Variants in LIMK2 observed in about 807,000 individuals in gnomAD.
LIMK2 encodes the protein LIM domain kinase 2.
LIMK2 carries 35 observed loss-of-function variants against 75.7 expected under a neutral mutation model. That is an observed-to-expected ratio of 0.46 (90% CI 0.35 to 0.61). The LOEUF (loss-of-function observed/expected upper bound fraction) is 0.61. Ranked by LOEUF, LIMK2 falls within the 20% of genes least tolerant of loss-of-function variation. The probability of loss-of-function intolerance (pLI) is 0.00; values close to 1 mark genes in which losing one functional copy is unlikely to be tolerated. For missense variants in LIMK2, 623 were observed against 831.0 expected, an observed-to-expected ratio of 0.75 and a Z score of 3.08; for synonymous variants, 301 against 319.2, an observed-to-expected ratio of 0.94 and a Z score of 0.61.
chr22:31,255,010 T>C (rs2048763706), intron 2 of LIMK2, among the ~76,000 whole-genome samples: 1 of 151,396 alleles, frequency 6.6e-6, no homozygotes. Context: ...TGAAAGTAGG[T>C]GATGACATTG....
intron 2 of LIMK2, among the ~76,000 whole-genome samples, chr22:31,242,944 A>G (rs1300615964): frequency 6.6e-6 from 1 of 152,142 alleles, no homozygotes; most frequent in East Asian, 1.9e-4. Context: ...ATTTATTGAG[A>G]CGGAGTCTGG....
rs1601430033 is a variant in LIMK2, at chr22:31,258,359, A to G, written c.185A>G (p.Lys62Arg). 2 of 1,614,052 alleles carry G rather than the reference A, an allele frequency of 1.2e-6. No homozygotes were observed. The highest frequency in any genetic ancestry group is 1.7e-6 in the Non-Finnish European group (2 of 1,179,950). Residue 62 changes from lysine (K) to arginine (R), a missense_variant, in exon 3 of 16, where the codon AAG becomes AGG. By Grantham distance (26) the Lys-to-Arg change is conservative (BLOSUM62 2). This residue lies in a region of LIMK2 where 514 missense variants were observed against 661.3 expected (regional missense o/e 0.78). Transcript: ENST00000331728. ...YEKDGKLYCP[K>R]DYWGKFGEFC... The stretch of plus-strand genomic sequence containing the variant: ...AAGGATGGGAAGCTCTACTGCCCCA[A>G]GGACTACTGGGGGAAGTTTGGGGAG...
At chr22:31,248,464 G>A (rs2048691673) in intron 2 of LIMK2, 3 of 1,494,532 alleles carry the variant, frequency 2.0e-6, no homozygotes, top group Non-Finnish European at 2.7e-6. Flanking sequence ...GTCCAGAGGG[G>A]CCGCCTGAGC....
chr22:31,274,413 G>T (rs1036104620), intron 14 of LIMK2, among the ~76,000 whole-genome samples: 14 of 151,918 alleles, frequency 9.2e-5, no homozygotes, highest in Admixed American at 2.6e-4. Flanking sequence ...TTTTGTTTTT[G>T]TTTTTGAGAT....
intron 2 of LIMK2, among the ~76,000 whole-genome samples, chr22:31,248,008 C>T (rs1033577439): frequency 6.6e-6 from 1 of 151,266 alleles, no homozygotes; most frequent in African/African-American, 2.4e-5. Context: ...CCAGAGGTCC[C>T]CCCGTCTGGT....
At chr22:31,258,525 A>T (rs755766264) in intron 3 of LIMK2, 99 bp downstream of exon 3, 1 of 1,224,380 alleles carries the variant, frequency 8.2e-7, no homozygotes, top group East Asian at 2.4e-5. Context: ...TCTTTCCATC[A>T]GCCAGGGCAT....
chr22:31,214,010 G>A (rs780871500), intron 1 of LIMK2, among the ~76,000 whole-genome samples: 7 of 151,882 alleles, frequency 4.6e-5, no homozygotes, highest in Non-Finnish European at 8.8e-5. Context: ...GTAGAGATGG[G>A]GTTTCACCAT....
At chr22:31,258,547 T>TATTC (rs1352293951) in intron 3 of LIMK2, 121 bp downstream of exon 3, 4 of 966,710 alleles carry the variant, frequency 4.1e-6, no homozygotes, top group African/African-American at 1.6e-5. Flanking sequence ...TCCCTTTATT[T>TATTC]ATTCATTCAT....
Position 31,277,416 on chromosome 22 carries a change from CAAA to C in LIMK2, c.1773-866_1773-864del, listed in dbSNP as rs57244615. 6,376 of 986,674 alleles carry C rather than the reference CAAA, an allele frequency of 6.5e-3. 3 individuals carry two copies. The highest frequency in any genetic ancestry group is 0.023 in the African/African-American group (1,216 of 53,764). The allele number at this position is 986,674 out of a possible 1,614,324, so 61.1% of individuals were successfully genotyped here. ...GGTAGGGTACGCCTTTGGTGCAGCT[CAAA>C]AAAAAAAAAAAAAATGATTTCCAGC... On this transcript the variant is annotated intron_variant, in intron 15 of 15. Transcript: ENST00000331728.
rs4141404 is a variant in LIMK2, at chr22:31,279,199, A to C, written c.*758A>C. The C allele has an allele frequency of 0.79, 120,562 of 152,248 alleles. 48,685 individuals are homozygous for C. Among genetic ancestry groups the C allele is most frequent in the African/African-American group, 0.95 (39,364 of 41,550 alleles). 9.4% of individuals were successfully genotyped at this position (152,248 alleles called of 1,614,324 possible). ...TGTCTGAAACAAACAGTCACAAGCA[A>C]AGGAAGAGGCTGGGGGACTAGAAAG... is the stretch of plus-strand genomic sequence containing the variant. On this transcript the variant is annotated 3_prime_UTR_variant, in exon 16 of 16. Coordinates refer to ENST00000331728, the MANE Select transcript of LIMK2 (RefSeq NM_005569.4).
chr22:31,237,183 C>T (rs1238807950), intron 2 of LIMK2, among the ~76,000 whole-genome samples: 1 of 150,610 alleles, frequency 6.6e-6, no homozygotes, highest in East Asian at 2.0e-4. Context: ...ATGGCGTGAA[C>T]CCGGGAGGCG....
chr22:31,273,621 G>A (rs2048981075), intron 14 of LIMK2, 114 bp downstream of exon 14: 2 of 810,292 alleles, frequency 2.5e-6, no homozygotes, highest in Admixed American at 3.8e-5. Context: ...ATCAACATGG[G>A]TGTAGGGTTT....
chr22:31,273,606 C>A, intron 14 of LIMK2, 99 bp downstream of exon 14: 1 of 901,964 alleles, frequency 1.1e-6, no homozygotes. Context: ...ACTAGCTTGA[C>A]TAAAATCAAC....
At chr22:31,250,631 TG>T (rs1357832524) in intron 2 of LIMK2, among the ~76,000 whole-genome samples, 1 of 152,188 alleles carries the variant, frequency 6.6e-6, no homozygotes, top group Non-Finnish European at 1.5e-5. Flanking sequence ...AAGAGATAGC[TG>T]CCACACAGGG....
At chr22:31,232,175 C>G (rs2048534747) in intron 2 of LIMK2, among the ~76,000 whole-genome samples, 1 of 150,178 alleles carries the variant, frequency 6.7e-6, no homozygotes, top group Non-Finnish European at 1.5e-5. Context: ...GTAACTTGTC[C>G]AGGGTCACAC....
rs776140555 is a variant in LIMK2, at chr22:31,260,009, C to T, written c.483C>T (p.Gly161=). Residue 161 remains glycine (G), a synonymous_variant, in exon 5 of 16, where the codon GGC becomes GGT. Coordinates refer to ENST00000331728, the MANE Select transcript of LIMK2 (RefSeq NM_005569.4). ...TLISMPATTE[G]RRGFSVSVES... is the part of the protein sequence containing the mutation. ...TCTCCATGCCGGCCACCACTGAAGG[C>T]AGGCGGGGCTTCTCCGTGTCCGTGG... is the stretch of plus-strand genomic sequence containing the variant. The T allele has an allele frequency of 2.0e-5, 33 of 1,611,014 alleles. No individual in the cohort carries two copies. The Middle Eastern group carries it at 6.6e-4, about 32-fold the overall frequency.
chr22:31,269,286 CTTTTTTTT>C (rs796361643), intron 11 of LIMK2, among the ~76,000 whole-genome samples: 8 of 95,480 alleles, frequency 8.4e-5, no homozygotes, highest in African/African-American at 1.6e-4. Flanking sequence ...ATTTTTTTTT[CTTTTTTTT>C]TTTTTTTTTT....
intron 1 of LIMK2, among the ~76,000 whole-genome samples, chr22:31,219,275 G>A (rs1240390274): frequency 6.6e-6 from 1 of 151,950 alleles, no homozygotes; most frequent in Non-Finnish European, 1.5e-5. Context: ...ACATTTGTTT[G>A]AGGGCCACAT....
intron 2 of LIMK2, among the ~76,000 whole-genome samples, chr22:31,252,563 G>T (rs1401709652): frequency 9.1e-6 from 1 of 109,638 alleles, no homozygotes; most frequent in African/African-American, 4.2e-5. Context: ...AAAAAAAGTT[G>T]ATTTCTATTT....
Sources: allele counts gnomAD v4.1 joint callset (sites outside exome capture counted in the v4.1 genomes callset), GRCh38; gene constraint gnomAD v4.1.1; regional missense constraint gnomAD v4.1.1; transcripts MANE v1.5; gene names NCBI Gene and HGNC (gene_info 2026-07-23, HGNC 2026-07-21).